Variants in ADGRL2 observed in about 807,000 individuals in gnomAD.
ADGRL2 encodes the protein calcium-independent alpha-latrotoxin receptor 2.
In ADGRL2, 44 loss-of-function variants were observed where a neutral mutation model predicts 157.4. The observed-to-expected ratio is 0.28, with a 90% confidence interval of 0.22 to 0.36. ADGRL2 has a LOEUF of 0.36. Ranked by LOEUF, ADGRL2 falls within the 10% of genes least tolerant of loss-of-function variation. The pLI is 1.00. For missense variants in ADGRL2, 1,510 were observed against 1,768.9 expected (o/e 0.85, Z 2.63); for synonymous variants, 585 against 624.7 (o/e 0.94, Z 0.95).
intron 1 of ADGRL2, among the ~76,000 whole-genome samples, chr1:81,315,296 T>A (rs1660027559): frequency 6.6e-6 from 1 of 152,052 alleles, no homozygotes; most frequent in African/African-American, 2.4e-5. Context: ...GTCAACAAAT[T>A]AACCTCAGTA....
intron 1 of ADGRL2, among the ~76,000 whole-genome samples, chr1:81,351,118 C>T (rs1662854720): frequency 6.6e-6 from 1 of 152,144 alleles, no homozygotes; most frequent in South Asian, 2.1e-4. Flanking sequence ...CTTAGCATTT[C>T]CATTACAAAT....
At chr1:81,675,497 T>C (rs2082966139) in intron 3 of ADGRL2, among the ~76,000 whole-genome samples, 1 of 152,216 alleles carries the variant, frequency 6.6e-6, no homozygotes, top group African/African-American at 2.4e-5. Context: ...TAACAGAAGT[T>C]TAAGCTTATT....
intron 2 of ADGRL2, among the ~76,000 whole-genome samples, chr1:81,905,376 G>A (rs903028303): frequency 3.3e-5 from 5 of 152,156 alleles, no homozygotes; most frequent in Non-Finnish European, 7.4e-5. Context: ...GGGATTACAA[G>A]CGTGAACCAC....
intron 3 of ADGRL2, among the ~76,000 whole-genome samples, chr1:81,628,858 C>T (rs1369092107): frequency 1.3e-5 from 2 of 152,112 alleles, no homozygotes; most frequent in African/African-American, 4.8e-5. Flanking sequence ...TATTTATGAA[C>T]TGTATTAGAT....
At chr1:81,946,137 G>T (rs908927202) in intron 6 of ADGRL2, among the ~76,000 whole-genome samples, 15 of 152,102 alleles carry the variant, frequency 9.9e-5, no homozygotes, top group African/African-American at 3.6e-4. Flanking sequence ...CGTAGTTCAG[G>T]TCATCTGTGC....
At chr1:81,683,965 C>T (rs58169049) in intron 3 of ADGRL2, among the ~76,000 whole-genome samples, 52,479 of 151,598 alleles carry the variant, frequency 0.35, 9,180 homozygotes, top group Admixed American at 0.41. Context: ...TACAGGCGCA[C>T]GCCACCATGC....
At chr1:81,761,170 C>A (rs1225646040) in intron 1 of ADGRL2, among the ~76,000 whole-genome samples, 2 of 151,766 alleles carry the variant, frequency 1.3e-5, no homozygotes, top group Non-Finnish European at 2.9e-5. Flanking sequence ...GAAACAATAT[C>A]TTTCTTGGGA....
intron 2 of ADGRL2, among the ~76,000 whole-genome samples, chr1:81,487,855 G>T (rs996819181): frequency 6.6e-6 from 1 of 152,106 alleles, no homozygotes; most frequent in African/African-American, 2.4e-5. Flanking sequence ...TCAGTCTACT[G>T]TAATTTTTCT....
chr1:81,484,090 G>A (rs2078449276), intron 2 of ADGRL2, among the ~76,000 whole-genome samples: 1 of 152,028 alleles, frequency 6.6e-6, no homozygotes, highest in African/African-American at 2.4e-5. Flanking sequence ...ACCTTCTGGG[G>A]GCTACTTATA....
chr1:81,464,963 A>C (rs1191611167), intron 2 of ADGRL2, among the ~76,000 whole-genome samples: 1 of 151,920 alleles, frequency 6.6e-6, no homozygotes, highest in Non-Finnish European at 1.5e-5. Flanking sequence ...AGAAAAGAAA[A>C]AGGAATACTT....
upstream of ADGRL2, among the ~76,000 whole-genome samples, chr1:81,797,975 GAATTT>G (rs2087676617): frequency 6.6e-6 from 1 of 152,000 alleles, no homozygotes; most frequent in Admixed American, 6.5e-5. Flanking sequence ...GTCCTTTGTA[GAATTT>G]ATTTTAAAAA....
chr1:81,795,173 G>A (rs34888663), intron 2 of ADGRL2, among the ~76,000 whole-genome samples: 11,043 of 151,998 alleles, frequency 0.073, 508 homozygotes, highest in South Asian at 0.16. Flanking sequence ...GAACTGAGGC[G>A]TTCAAGACCA....
chr1:81,563,167 G>T (rs564054036), intron 2 of ADGRL2, among the ~76,000 whole-genome samples: 3 of 152,256 alleles, frequency 2.0e-5, no homozygotes, highest in African/African-American at 7.2e-5. Context: ...AAATGGGCTC[G>T]TGTCACCCAT....
At chr1:81,942,142 A>T (rs1648251322) in intron 5 of ADGRL2, 97 bp downstream of exon 5, 1 of 537,782 alleles carries the variant, frequency 1.9e-6, no homozygotes, top group African/African-American at 2.0e-5. Context: ...CTGTATTAAA[A>T]TAATCAGCAG....
At chr1:81,969,544 C>T (rs1658117707) in intron 15 of ADGRL2, among the ~76,000 whole-genome samples, 157 bp downstream of exon 15, 1 of 151,926 alleles carries the variant, frequency 6.6e-6, no homozygotes, top group African/African-American at 2.4e-5. Context: ...AAAAGACTGT[C>T]CAATTATTAA....
chr1:81,887,931 T>A (rs2094165062), intron 2 of ADGRL2, among the ~76,000 whole-genome samples: 2 of 152,210 alleles, frequency 1.3e-5, no homozygotes. Context: ...AAGATGAGTA[T>A]GATTTCATTC....
intron 1 of ADGRL2, among the ~76,000 whole-genome samples, chr1:81,401,109 G>A (rs950918563): frequency 6.6e-6 from 1 of 152,158 alleles, no homozygotes; most frequent in Non-Finnish European, 1.5e-5. Flanking sequence ...GGGCAGCCAA[G>A]GCATAGCTTC....
At chr1:81,837,390 G>A (rs546672410) in intron 2 of ADGRL2, among the ~76,000 whole-genome samples, 25 of 151,966 alleles carry the variant, frequency 1.6e-4, no homozygotes, top group South Asian at 2.1e-4. Flanking sequence ...AAAGTATTTT[G>A]TGGAAATTTT....
At chr1:81,767,717 C>G (rs1308467526) in intron 2 of ADGRL2, among the ~76,000 whole-genome samples, 2 of 151,602 alleles carry the variant, frequency 1.3e-5, no homozygotes, top group African/African-American at 4.8e-5. Context: ...ATGAAAAATA[C>G]AAAAATATGC....
Sources: gnomAD v4.1 joint callset for allele counts (sites outside exome capture counted in the v4.1 genomes callset) on GRCh38, gnomAD v4.1.1 for gene constraint, MANE v1.5 for transcripts, NCBI Gene and HGNC (gene_info 2026-07-23, HGNC 2026-07-21) for gene names.